Variants in TBC1D5 observed in about 807,000 individuals in gnomAD.
TBC1D5 encodes the protein TBC1 domain family member 5.
In TBC1D5, 75 loss-of-function variants were observed where a neutral mutation model predicts 100.3. The ratio of observed to expected loss-of-function variants is 0.75; its 90% CI spans 0.62 to 0.91. The LOEUF (loss-of-function observed/expected upper bound fraction) is 0.91, where lower values mean the gene tolerates loss of function less well. TBC1D5 is among the 40% of genes least tolerant of loss of function. The pLI is 0.00. For missense variants in TBC1D5, 910 were observed against 942.4 expected (o/e 0.97, Z 0.45); for synonymous variants, 323 against 325.6 (o/e 0.99, Z 0.09).
chr3:17,651,478 G>T (rs1443829507), intron 1 of TBC1D5, among the ~76,000 whole-genome samples: 1 of 152,076 alleles, frequency 6.6e-6, no homozygotes, highest in Non-Finnish European at 1.5e-5. Flanking sequence ...TCCATACTTT[G>T]TCCATTAATT....
intron 2 of TBC1D5, among the ~76,000 whole-genome samples, chr3:17,514,718 C>CT (rs1395479052): frequency 2.0e-5 from 3 of 152,096 alleles, no homozygotes; most frequent in African/African-American, 7.2e-5. Context: ...GAAAGTGACA[C>CT]TTGTGACCAC....
At position 17,687,144 on chromosome 3, in the gene TBC1D5, T is replaced by A. The variant is rs535104847; in HGVS notation, c.-101+52199A>T. On this transcript the variant is annotated intron_variant, in intron 1 of 21. Coordinates refer to ENST00000253692, the Ensembl canonical transcript of TBC1D5. ...TAAAACTGCTCAAAAACTATCTTAT[T>A]TTTTCAAATATGTATTCTTCACTTA... is the stretch of plus-strand genomic sequence containing the variant. Among the ~76,000 whole-genome samples the A allele has an allele frequency of 2.0e-5, 3 of 152,274 alleles. No homozygotes were observed. In the East Asian group the frequency reaches 5.8e-4, roughly 29 times the overall value.
chr3:17,219,274 AT>A (rs900468173), intron 17 of TBC1D5, among the ~76,000 whole-genome samples: 2 of 150,762 alleles, frequency 1.3e-5, no homozygotes, highest in East Asian at 1.9e-4. Flanking sequence ...TAAAGCCCCT[AT>A]TTTTTTTACT....
intron 8 of TBC1D5, among the ~76,000 whole-genome samples, chr3:17,401,226 T>C (rs1211137267): frequency 6.7e-6 from 1 of 148,740 alleles, no homozygotes; most frequent in Non-Finnish European, 1.5e-5. Context: ...TGTGTGTACA[T>C]ACACACACAC....
At chr3:17,536,360 G>A (rs1296167024) in intron 2 of TBC1D5, among the ~76,000 whole-genome samples, 3 of 152,090 alleles carry the variant, frequency 2.0e-5, no homozygotes, top group Non-Finnish European at 4.4e-5. Flanking sequence ...AAAATTAGAA[G>A]TACATTTAAA....
chr3:17,445,976 G>T (rs1396105295), intron 3 of TBC1D5, among the ~76,000 whole-genome samples: 1 of 152,154 alleles, frequency 6.6e-6, no homozygotes, highest in African/African-American at 2.4e-5. Flanking sequence ...CCTGGAGTCA[G>T]GGCTGTTAGG....
intron 2 of TBC1D5, among the ~76,000 whole-genome samples, chr3:17,596,866 T>C (rs1576924268): frequency 6.6e-6 from 1 of 152,080 alleles, no homozygotes; most frequent in African/African-American, 2.4e-5. Flanking sequence ...ATGTCCACTT[T>C]CCCTTCTGCA....
intron 1 of TBC1D5, among the ~76,000 whole-genome samples, chr3:17,736,454 C>T (rs537002329): frequency 2.6e-4 from 40 of 152,176 alleles, no homozygotes; most frequent in African/African-American, 9.4e-4. Flanking sequence ...GCACTCTTAC[C>T]TTTAGACTCT....
intron 1 of TBC1D5, among the ~76,000 whole-genome samples, chr3:17,719,361 G>C (rs551265781): frequency 6.6e-6 from 1 of 152,114 alleles, no homozygotes; most frequent in African/African-American, 2.4e-5. Context: ...AAACCTGTTA[G>C]CATATTATTT....
intron 13 of TBC1D5, among the ~76,000 whole-genome samples, chr3:17,349,849 G>C (rs1217086309): frequency 6.6e-6 from 1 of 151,964 alleles, no homozygotes; most frequent in South Asian, 2.1e-4. Flanking sequence ...TAAACAATTA[G>C]GAAAAAAATG....
chr3:17,616,787 C>T (rs1218919345), intron 2 of TBC1D5, among the ~76,000 whole-genome samples: 5 of 152,096 alleles, frequency 3.3e-5, no homozygotes, highest in African/African-American at 1.2e-4. Context: ...TGTGTCTCTG[C>T]ACCTGAGATG....
At chr3:17,327,000 C>T (rs993843315) in intron 13 of TBC1D5, among the ~76,000 whole-genome samples, 1 of 152,172 alleles carries the variant, frequency 6.6e-6, no homozygotes, top group Non-Finnish European at 1.5e-5. Context: ...AACCACCTTT[C>T]ACCAACTATA....
chr3:17,184,009 A>G (rs997161414), intron 19 of TBC1D5, among the ~76,000 whole-genome samples: 2 of 152,222 alleles, frequency 1.3e-5, no homozygotes, highest in Non-Finnish European at 2.9e-5. Flanking sequence ...TAATTTATTC[A>G]TAAGTTACCA....
chr3:17,410,043 G>A (rs2093880736), intron 4 of TBC1D5, among the ~76,000 whole-genome samples: 1 of 152,050 alleles, frequency 6.6e-6, no homozygotes, highest in South Asian at 2.1e-4. Flanking sequence ...TCATAGCTAG[G>A]GACGAGAAGG....
intron 2 of TBC1D5, among the ~76,000 whole-genome samples, chr3:17,564,061 C>CA (rs1230111321): frequency 6.6e-6 from 1 of 152,212 alleles, no homozygotes; most frequent in Admixed American, 6.5e-5. Context: ...GGATTACAGG[C>CA]ATGAGCCACC....
intron 17 of TBC1D5, among the ~76,000 whole-genome samples, chr3:17,226,117 T>C (rs1303471900): frequency 6.6e-6 from 1 of 150,454 alleles, no homozygotes; most frequent in East Asian, 1.9e-4. Flanking sequence ...GACAAAAGGA[T>C]GCACTCTCAG....
At chr3:17,480,265 G>A (rs889617510) in intron 3 of TBC1D5, among the ~76,000 whole-genome samples, 26 of 152,120 alleles carry the variant, frequency 1.7e-4, no homozygotes, top group Non-Finnish European at 2.9e-4. Flanking sequence ...AAACCTGGGC[G>A]CCATGGATGA....
chr3:17,653,417 T>C (rs1393894154), intron 1 of TBC1D5, among the ~76,000 whole-genome samples: 2 of 152,092 alleles, frequency 1.3e-5, no homozygotes, highest in African/African-American at 4.8e-5. Flanking sequence ...CTCTACAGTA[T>C]CCTTCTCAAT....
At chr3:17,696,837 T>C (rs765741793) in intron 1 of TBC1D5, among the ~76,000 whole-genome samples, 2 of 152,176 alleles carry the variant, frequency 1.3e-5, no homozygotes, top group Non-Finnish European at 2.9e-5. Flanking sequence ...CTGAAGAACA[T>C]TGATGTGAAA....
Sources: allele counts gnomAD v4.1 joint callset (sites outside exome capture counted in the v4.1 genomes callset), GRCh38; gene constraint gnomAD v4.1.1; transcripts MANE v1.5; gene names NCBI Gene and HGNC (gene_info 2026-07-23, HGNC 2026-07-21).